The following TSHZ2 variants were observed in gnomAD, a reference collection of about 807,000 sequenced individuals.
TSHZ2 encodes the protein teashirt zinc finger homeobox 2.
A neutral mutation model predicts 74.4 loss-of-function variants in TSHZ2; 21 were observed. That is an observed-to-expected ratio of 0.28 (90% CI 0.20 to 0.41). TSHZ2 has a LOEUF of 0.41. Ranked by LOEUF, TSHZ2 falls within the 10% of genes least tolerant of loss-of-function variation. The probability of loss-of-function intolerance (pLI) is 1.00; values close to 1 mark genes in which losing one functional copy is unlikely to be tolerated. For synonymous variants in TSHZ2, 540 were observed against 515.3 expected (o/e 1.05, Z -0.65); for missense variants, 1,244 against 1,293.5 (o/e 0.96, Z 0.59).
chr20:53,332,425 A>G (rs1036722038), intron 2 of TSHZ2, among the ~76,000 whole-genome samples: 2 of 152,218 alleles, frequency 1.3e-5, no homozygotes, highest in Non-Finnish European at 2.9e-5. Flanking sequence ...AAGAAGAATG[A>G]AAAAGACGAT....
intron 2 of TSHZ2, among the ~76,000 whole-genome samples, chr20:53,320,628 T>C (rs773009240): frequency 4.6e-5 from 7 of 152,204 alleles, no homozygotes; most frequent in Non-Finnish European, 8.8e-5. Context: ...CAGCTCTTTC[T>C]TTGCAGAAAG....
At chr20:53,257,235 A>G (rs1181394760) in intron 2 of TSHZ2, among the ~76,000 whole-genome samples, 1 of 152,230 alleles carries the variant, frequency 6.6e-6, no homozygotes, top group Non-Finnish European at 1.5e-5. Flanking sequence ...TTTGCAGAAC[A>G]TTGAGATGAA....
At chr20:53,386,196 G>T (rs745960982) in intron 2 of TSHZ2, among the ~76,000 whole-genome samples, 1 of 152,172 alleles carries the variant, frequency 6.6e-6, no homozygotes, top group Non-Finnish European at 1.5e-5. Context: ...GTATTTTTAG[G>T]CCTACTGTTT....
chr20:53,221,402 C>G (rs1340059246), intron 1 of TSHZ2, among the ~76,000 whole-genome samples: 1 of 152,168 alleles, frequency 6.6e-6, no homozygotes, highest in Admixed American at 6.5e-5. Flanking sequence ...AAAATAAATA[C>G]TGTGGGTATC....
intron 1 of TSHZ2, among the ~76,000 whole-genome samples, chr20:53,208,945 G>C (rs1166570322): frequency 6.6e-6 from 1 of 152,156 alleles, no homozygotes; most frequent in Non-Finnish European, 1.5e-5. Context: ...AGTATGCATT[G>C]CTTACTCTTT....
intron 2 of TSHZ2, among the ~76,000 whole-genome samples, chr20:53,415,009 A>G (rs1983186719): frequency 6.6e-6 from 1 of 152,206 alleles, no homozygotes; most frequent in African/African-American, 2.4e-5. Flanking sequence ...TGTCATATAT[A>G]AATAGGGGTT....
intron 2 of TSHZ2, among the ~76,000 whole-genome samples, chr20:53,279,240 AG>A (rs1991008329): frequency 1.3e-5 from 2 of 152,182 alleles, no homozygotes. Context: ...ACACAGTTCA[AG>A]CTCATGTTGT....
intron 2 of TSHZ2, among the ~76,000 whole-genome samples, chr20:53,480,758 CAG>C (rs1986128242): frequency 6.6e-6 from 1 of 151,978 alleles, no homozygotes; most frequent in Non-Finnish European, 1.5e-5. Context: ...AGAACAACAG[CAG>C]AGAGTGAAGA....
chr20:53,471,656 A>T lies in TSHZ2; in HGVS notation c.*9-15488A>T, dbSNP rs1378040363. Among the ~76,000 whole-genome samples the T allele has an allele frequency of 2.0e-5, 3 of 152,182 alleles. No homozygotes were observed. The East Asian group carries it at 5.8e-4, about 29-fold the overall frequency. ...GAGCATGCTAAGCAGAGGGAGCAGC[A>T]CGTGCAAAGACCCTGAGGCCAGTGT... is the stretch of plus-strand genomic sequence containing the variant. On this transcript the variant is annotated intron_variant, in intron 2 of 2. Transcript: ENST00000371497.
chr20:53,009,931 C>T (rs1405386414), intron 1 of TSHZ2, among the ~76,000 whole-genome samples: 1 of 152,158 alleles, frequency 6.6e-6, no homozygotes, highest in Non-Finnish European at 1.5e-5. Context: ...TGATTTGTTT[C>T]TAATATGGCT....
chr20:53,447,334 C>T (rs1473771314), intron 2 of TSHZ2, among the ~76,000 whole-genome samples: 1 of 152,170 alleles, frequency 6.6e-6, no homozygotes, highest in East Asian at 1.9e-4. Flanking sequence ...TTAATAAATC[C>T]CATGGAAATG....
intron 2 of TSHZ2, among the ~76,000 whole-genome samples, chr20:53,330,285 G>C (rs1979673599): frequency 6.6e-6 from 1 of 152,074 alleles, no homozygotes; most frequent in Non-Finnish European, 1.5e-5. Flanking sequence ...GCTTCCCCCA[G>C]TGCTTGCATA....
intron 1 of TSHZ2, among the ~76,000 whole-genome samples, chr20:53,078,421 A>C (rs1985430839): frequency 6.6e-6 from 1 of 152,238 alleles, no homozygotes; most frequent in Admixed American, 6.5e-5. Context: ...AATACTCGTT[A>C]AATATTTCTT....
intron 1 of TSHZ2, among the ~76,000 whole-genome samples, chr20:53,048,970 A>C (rs1247138512): frequency 1.3e-5 from 2 of 152,194 alleles, no homozygotes; most frequent in Admixed American, 6.5e-5. Flanking sequence ...GATTTCTCTC[A>C]TTCATTCTTT....
intron 1 of TSHZ2, among the ~76,000 whole-genome samples, chr20:53,036,349 T>C (rs1284981555): frequency 1.3e-5 from 2 of 152,146 alleles, no homozygotes; most frequent in African/African-American, 2.4e-5. Context: ...TGTTAAATGT[T>C]ATAAAAATAA....
At chr20:53,239,222 C>A (rs147250359) in intron 1 of TSHZ2, among the ~76,000 whole-genome samples, 1 of 152,254 alleles carries the variant, frequency 6.6e-6, no homozygotes, top group African/African-American at 2.4e-5. Flanking sequence ...TCCCCAGGAG[C>A]AAAATCACCC....
At chr20:53,223,294 G>T (rs1002075304) in intron 1 of TSHZ2, among the ~76,000 whole-genome samples, 7 of 152,130 alleles carry the variant, frequency 4.6e-5, no homozygotes, top group African/African-American at 1.7e-4. Flanking sequence ...AACGTATATA[G>T]TTATTTCAGG....
intron 1 of TSHZ2, among the ~76,000 whole-genome samples, chr20:53,226,812 A>G (rs748890948): frequency 3.3e-5 from 5 of 152,012 alleles, no homozygotes; most frequent in Non-Finnish European, 7.4e-5. Flanking sequence ...CCAGTTGGAG[A>G]CAAAAATGAC....
At chr20:53,192,292 T>TAAAAAAAAA (rs58001328) in intron 1 of TSHZ2, among the ~76,000 whole-genome samples, 1 of 136,998 alleles carries the variant, frequency 7.3e-6, no homozygotes, top group African/African-American at 2.7e-5. Flanking sequence ...CTTCTCTGGC[T>TAAAAAAAAA]AAAAAAAAAA....
Sources: allele counts gnomAD v4.1 joint callset (sites outside exome capture counted in the v4.1 genomes callset), GRCh38; gene constraint gnomAD v4.1.1; transcripts MANE v1.5; gene names NCBI Gene and HGNC (gene_info 2026-07-23, HGNC 2026-07-21).